Variants in GRIK5 observed in about 807,000 individuals in gnomAD.
The protein encoded by GRIK5 is glutamate receptor ionotropic, kainate 5.
GRIK5 carries 43 observed loss-of-function variants against 97.4 expected under a neutral mutation model. That is an observed-to-expected ratio of 0.44 (90% confidence interval 0.35 to 0.57). GRIK5 has a LOEUF of 0.57. Ranked by LOEUF, GRIK5 falls within the 20% of genes least tolerant of loss-of-function variation. The pLI, the probability that GRIK5 is intolerant of heterozygous loss-of-function variation, is 0.01. For synonymous variants in GRIK5, 580 were observed against 583.5 expected, an observed-to-expected ratio of 0.99 and a Z score of 0.09; for missense variants, 1,015 against 1,382.0, an observed-to-expected ratio of 0.73 and a Z score of 4.21.
Position 42,042,534 on chromosome 19 carries a change from GC to G in GRIK5, c.1473+17del. On this transcript the variant is annotated intron_variant, in intron 12 of 19. Coordinates refer to ENST00000593562, the MANE Select transcript of GRIK5 (RefSeq NM_002088.5). This position sits in a 1 kb window ranked among gnomAD's most constrained non-coding sequence, Gnocchi z 6.9. ...TCGCCGGGTCCATGCATCTTTCCCG[GC>G]CCCAGTCCAGCCATACCCGGTTGAT... The G allele has an allele frequency of 6.3e-7, 1 of 1,594,540 alleles. No homozygotes were observed. Among genetic ancestry groups the G allele is most frequent in the East Asian group, 2.2e-5 (1 of 44,606 alleles).
chr19:42,005,901 C>T lies in GRIK5; in HGVS notation c.2085G>A (p.Ser695=), dbSNP rs782043715. Residue 695 remains serine, a synonymous_variant, in exon 17 of 20, where the codon TCG becomes TCA. Coordinates refer to ENST00000593562, the MANE Select transcript of GRIK5 (RefSeq NM_002088.5). ...TYQRMWNYMQ[S]KQPSVFVKST... ...TCTTGACGAACACGCTGGGCTGCTT[C>T]GACTGCATGTAGTTCCACATGCGCT... 9.3e-6 allele frequency: 15 copies of T among 1,608,276 alleles called. No individual in the cohort carries two copies. Among genetic ancestry groups the T allele is most frequent in the South Asian group, 5.5e-5 (5 of 90,428 alleles).
chr19:42,068,606 G>GA (rs1194954407), intron 1 of GRIK5: 133 of 419,364 alleles, frequency 3.2e-4, no homozygotes, highest in Admixed American at 1.8e-3. Context: ...GGTGAGCGGA[G>GA]GCACAGAATA....
intron 15 of GRIK5, among the ~76,000 whole-genome samples, chr19:42,013,509 G>C (rs1273703282): frequency 1.4e-5 from 2 of 145,650 alleles, no homozygotes; most frequent in Admixed American, 7.2e-5. Context: ...TCCCAGGTTC[G>C]CGCCATTCTC....
chr19:42,027,631 T>C (rs914117778), intron 12 of GRIK5, among the ~76,000 whole-genome samples: 6 of 152,294 alleles, frequency 3.9e-5, no homozygotes, highest in Admixed American at 2.6e-4. Flanking sequence ...GGGAGCCAAC[T>C]GCAGATGCCC....
At chr19:42,039,417 G>C (rs2075950508) in intron 12 of GRIK5, among the ~76,000 whole-genome samples, 1 of 152,216 alleles carries the variant, frequency 6.6e-6, no homozygotes, top group Non-Finnish European at 1.5e-5. Flanking sequence ...AGGTTGCAGT[G>C]AGCCAAGATC....
chr19:42,021,513 C>A lies in GRIK5; in HGVS notation c.1698-39G>T, dbSNP rs1321890013. The A allele has an allele frequency of 4.1e-6, 6 of 1,469,632 alleles. No homozygotes were observed. The highest frequency in any genetic ancestry group is 1.4e-5 in the African/African-American group (1 of 70,422). The allele number at this position is 1,469,632 out of a possible 1,614,324, so 91.0% of individuals were successfully genotyped here. Reference sequence around the variant, plus strand: ...TGCAGCGTGTGGATGGGGCCCAGAGCCCAGGTGGGGAGGAAAAGGAAAGAA... The same window carrying A: ...TGCAGCGTGTGGATGGGGCCCAGAGACCAGGTGGGGAGGAAAAGGAAAGAA... On this transcript the variant is annotated intron_variant, in intron 14 of 19. Transcript: ENST00000593562. This position sits in a 1 kb window ranked among gnomAD's most constrained non-coding sequence, Gnocchi z 4.2.
intron 11 of GRIK5, among the ~76,000 whole-genome samples, chr19:42,051,971 C>T (rs2076122735): frequency 6.6e-6 from 1 of 152,154 alleles, no homozygotes; most frequent in Non-Finnish European, 1.5e-5. Flanking sequence ...TTTGGTAGTC[C>T]CTCATTGTGG....
At chr19:42,056,408 G>A (rs567911013) in intron 8 of GRIK5, among the ~76,000 whole-genome samples, 1 of 152,320 alleles carries the variant, frequency 6.6e-6, no homozygotes, top group South Asian at 2.1e-4. Context: ...GGAAGCAGGG[G>A]GAAGAGGGTG....
At chr19:42,045,590 T>C (rs951395333) in intron 11 of GRIK5, among the ~76,000 whole-genome samples, 1 of 152,182 alleles carries the variant, frequency 6.6e-6, no homozygotes, top group Admixed American at 6.5e-5. Context: ...GGCCAGGTCA[T>C]AGGCTCTGGA....
At position 42,021,278 on chromosome 19, in the gene GRIK5, G is replaced by A; in HGVS notation, c.1871+23C>T. ...ATGGGTCCCTCCCTCGCCCCGGGCA[G>A]AGGCAGATAGAAAGCTTCTCACCAG... On this transcript the variant is annotated intron_variant, in intron 15 of 19. Coordinates refer to ENST00000593562, the MANE Select transcript of GRIK5 (RefSeq NM_002088.5). The surrounding 1 kb of genome is among the most constrained non-coding windows in gnomAD (Gnocchi z 4.2). 1 of 1,604,360 alleles carries A rather than the reference G, an allele frequency of 6.2e-7. No individual in the cohort carries two copies. The highest frequency in any genetic ancestry group is 8.5e-7 in the Non-Finnish European group (1 of 1,175,692).
At chr19:42,015,713 T>C (rs920198583) in intron 15 of GRIK5, among the ~76,000 whole-genome samples, 4 of 152,102 alleles carry the variant, frequency 2.6e-5, no homozygotes, top group Non-Finnish European at 5.9e-5. Context: ...CCCGGGAGAA[T>C]AGGCTCCCAC....
rs1259438406 is a variant in GRIK5, at chr19:42,006,998, G to A, written c.1872-188C>T. On this transcript the variant is annotated intron_variant, in intron 15 of 19. Coordinates refer to ENST00000593562, the MANE Select transcript of GRIK5 (RefSeq NM_002088.5). The surrounding 1 kb of genome is among the most constrained non-coding windows in gnomAD (Gnocchi z 5.3). ...CTTCCTGGTTGTAAATATTGCATCCGGAGACTTCTACTTCCAGATATAAAA... is the reference window on the plus strand; with the variant it reads ...CTTCCTGGTTGTAAATATTGCATCCAGAGACTTCTACTTCCAGATATAAAA... 6.6e-6 allele frequency among the ~76,000 whole-genome samples: 1 copy of A among 152,128 alleles called. No individual in the cohort carries two copies. The highest frequency in any genetic ancestry group is 2.4e-5 in the African/African-American group (1 of 41,408).
rs139766466 is a variant in GRIK5, at chr19:42,061,058, A to T, written c.508+1430T>A. Among the ~76,000 whole-genome samples the T allele has an allele frequency of 2.4e-3, 372 of 151,954 alleles. 6 individuals carry two copies. The East Asian group carries it at 0.052, about 21-fold the overall frequency. ...AATACCTTTATTTATTTATTTATTT[A>T]TTTTTTTGAGACGGAGTCTCGCTCT... On this transcript the variant is annotated intron_variant, in intron 5 of 19. Coordinates refer to ENST00000593562, the MANE Select transcript of GRIK5 (RefSeq NM_002088.5).
In GRIK5 at chr19:42,042,856, G is replaced by T; in HGVS notation, c.1270-101C>A. Reference sequence around the variant, plus strand: ...AGGCAGGTAGAGCAGGAATCTGCTTGCTGAGCACGGTTGATTTATTCATAG... The same window carrying T: ...AGGCAGGTAGAGCAGGAATCTGCTTTCTGAGCACGGTTGATTTATTCATAG... On this transcript the variant is annotated intron_variant, in intron 11 of 19. Transcript: ENST00000593562. The surrounding 1 kb of genome is among the most constrained non-coding windows in gnomAD (Gnocchi z 6.9). 2.4e-6 allele frequency: 2 copies of T among 822,674 alleles called. No homozygotes were observed. Among genetic ancestry groups the T allele is most frequent in the Non-Finnish European group, 3.9e-6 (2 of 513,284 alleles). 51.0% of individuals were successfully genotyped at this position (822,674 alleles called of 1,614,324 possible).
At chr19:42,055,190 G>A (rs762993403) in intron 8 of GRIK5, among the ~76,000 whole-genome samples, 2 of 152,172 alleles carry the variant, frequency 1.3e-5, no homozygotes, top group Non-Finnish European at 1.5e-5. Context: ...ACACAACCAC[G>A]GTGTCTGTGT....
intron 15 of GRIK5, among the ~76,000 whole-genome samples, chr19:42,008,252 G>C (rs1349309204): frequency 1.3e-5 from 2 of 152,082 alleles, no homozygotes; most frequent in Non-Finnish European, 2.9e-5. Flanking sequence ...CCTGACCTCA[G>C]GTGACCTGCC....
At position 42,003,699 on chromosome 19, in the gene GRIK5, A is replaced by T. The variant is rs190677131; in HGVS notation, c.2264-16T>A. The T allele has an allele frequency of 6.2e-7, 1 of 1,600,424 alleles. No individual in the cohort carries two copies. The highest frequency in any genetic ancestry group is 1.3e-5 in the African/African-American group (1 of 74,922). Reference sequence around the variant, plus strand: ...AACGGGGAGCCTGGGCAGGCACACGAGGGGCTGGACCAGCCATCGGGCCCT... The same window carrying T: ...AACGGGGAGCCTGGGCAGGCACACGTGGGGCTGGACCAGCCATCGGGCCCT... On this transcript the variant is annotated splice_polypyrimidine_tract_variant and intron_variant, in intron 17 of 19. Coordinates refer to ENST00000593562, the MANE Select transcript of GRIK5 (RefSeq NM_002088.5). This position sits in a 1 kb window ranked among gnomAD's most constrained non-coding sequence, Gnocchi z 4.2.
rs566003775 is a variant in GRIK5 at position 42,032,750 on chromosome 19, G to A, written c.1473+9802C>T. Among the ~76,000 whole-genome samples, 21 of 152,162 alleles carry A rather than the reference G, an allele frequency of 1.4e-4. No individual in the cohort carries two copies. In the East Asian group the frequency reaches 3.7e-3, roughly 27 times the overall value. ...ATAGTGGAAACTGGCCTCGCCATTC[G>A]CCAGCTGCCCTGGCCAAACCCCATA... On this transcript the variant is annotated intron_variant, in intron 12 of 19. Coordinates refer to ENST00000593562, the MANE Select transcript of GRIK5 (RefSeq NM_002088.5).
At chr19:42,057,421 G>C (rs1234108932) in intron 6 of GRIK5, among the ~76,000 whole-genome samples, 1 of 151,906 alleles carries the variant, frequency 6.6e-6, no homozygotes, top group Non-Finnish European at 1.5e-5. Flanking sequence ...ACTCAGGCTG[G>C]AGTGCAGTGG....
Sources: gnomAD v4.1 joint callset for allele counts (sites outside exome capture counted in the v4.1 genomes callset) on GRCh38, gnomAD v4.1.1 for gene constraint, Gnocchi (gnomAD v3.1) non-coding constraint, MANE v1.5 for transcripts, NCBI Gene and HGNC (gene_info 2026-07-23, HGNC 2026-07-21) for gene names.